IREB2: variants seen among roughly 807,000 people sequenced by gnomAD.
IREB2 encodes the protein iron-responsive element-binding protein 2.
IREB2 carries 39 observed loss-of-function variants against 118.8 expected under a neutral mutation model. The ratio of observed to expected loss-of-function variants is 0.33; its 90% CI spans 0.25 to 0.43. The LOEUF (loss-of-function observed/expected upper bound fraction) is 0.43, where lower values mean the gene tolerates loss of function less well. Ranked by LOEUF, IREB2 falls within the 20% of genes least tolerant of loss-of-function variation. IREB2 has a pLI of 1.00. For synonymous variants in IREB2, 372 were observed against 392.2 expected (o/e 0.95, Z 0.61); for missense variants, 900 against 1,147.3 (o/e 0.78, Z 3.11).
At chr15:78,452,841 A>G (rs2051048044) in intron 2 of IREB2, among the ~76,000 whole-genome samples, 1 of 152,210 alleles carries the variant, frequency 6.6e-6, no homozygotes, top group African/African-American at 2.4e-5. Context: ...TGTTGGCAGG[A>G]GGCACCCAAC....
intron 12 of IREB2, 132 bp downstream of exon 12, chr15:78,485,052 G>A (rs1227445746): frequency 2.6e-6 from 2 of 783,672 alleles, no homozygotes; most frequent in African/African-American, 3.5e-5. Context: ...TAGTATTTTA[G>A]TTAGGTCTTA....
In IREB2 at chr15:78,499,639, ATTTC is replaced by A. The variant is rs1170599918; in HGVS notation, c.*1500_*1503del. On this transcript the variant is annotated 3_prime_UTR_variant, in exon 22 of 22. Transcript: ENST00000258886. ...AGATGGACTAGAGTTCGACAAAATG[ATTTC>A]TTTATTTAAATTTTGTATAAGTATT... is the stretch of plus-strand genomic sequence containing the variant. 9.2e-5 allele frequency: 14 copies of A among 152,284 alleles called. No individual in the cohort carries two copies. Among genetic ancestry groups the A allele is most frequent in the African/African-American group, 3.4e-4 (14 of 41,544 alleles). The allele number at this position is 152,284 out of a possible 1,614,324, so 9.4% of individuals were successfully genotyped here. A position where few individuals can be genotyped will look rare whatever the true frequency, so the allele number is the denominator to read the frequency against.
intron 18 of IREB2, among the ~76,000 whole-genome samples, chr15:78,492,236 C>G (rs1007892211): frequency 3.3e-5 from 5 of 152,146 alleles, no homozygotes; most frequent in African/African-American, 4.8e-5. Context: ...GGTCACTAAT[C>G]CAGTAGCAAT....
intron 5 of IREB2, among the ~76,000 whole-genome samples, chr15:78,467,615 A>G (rs1464812338): frequency 6.6e-6 from 1 of 151,648 alleles, no homozygotes; most frequent in Non-Finnish European, 1.5e-5. Flanking sequence ...CGCTTGTACC[A>G]GGAGGCAGGG....
At chr15:78,468,633 G>A (rs2051325282) in intron 5 of IREB2, among the ~76,000 whole-genome samples, 1 of 151,560 alleles carries the variant, frequency 6.6e-6, no homozygotes, top group Admixed American at 6.6e-5. Context: ...TAAGAGTAAT[G>A]TCCATTCATT....
Position 78,470,618 on chromosome 15 carries a change from G to T in IREB2, c.699+17G>T. The T allele has an allele frequency of 6.9e-7, 1 of 1,453,602 alleles. No individual in the cohort carries two copies. Among genetic ancestry groups the T allele is most frequent in the South Asian group, 1.3e-5 (1 of 77,030 alleles). 90.0% of individuals were successfully genotyped at this position (1,453,602 alleles called of 1,614,324 possible). A position where few individuals can be genotyped will look rare whatever the true frequency, so the allele number is the denominator to read the frequency against. On this transcript the variant is annotated intron_variant, in intron 6 of 21. Transcript: ENST00000258886. ...TTTTTTAAGGTATAAATGATTCAGG[G>T]AAATTTTTGTATTGTAATATATAAA...
At position 78,449,230 on chromosome 15, in the gene IREB2, T is replaced by C. The variant is rs187644205; in HGVS notation, c.106+9349T>C. Among the ~76,000 whole-genome samples, 8 of 152,304 alleles carry C rather than the reference T, an allele frequency of 5.3e-5. No individual in the cohort carries two copies. In the East Asian group the frequency reaches 1.5e-3, roughly 29 times the overall value. ...GTAATAAAAAAAATTTTTTTAAGTA[T>C]TTGTTGAGTATGTATTTACCGTATC... On this transcript the variant is annotated intron_variant, in intron 2 of 21. Coordinates refer to ENST00000258886, the MANE Select transcript of IREB2 (RefSeq NM_004136.4).
chr15:78,490,923 G>A (rs992505386), intron 18 of IREB2, among the ~76,000 whole-genome samples, 162 bp downstream of exon 18: 1 of 152,024 alleles, frequency 6.6e-6, no homozygotes, highest in African/African-American at 2.4e-5. Context: ...TGGCGGGGTG[G>A]GGAGGCGGGG....
chr15:78,487,794 G>A lies in IREB2; in HGVS notation c.1771G>A (p.Ala591Thr), dbSNP rs746547492. 18 of 1,603,936 alleles carry A rather than the reference G, an allele frequency of 1.1e-5. No individual in the cohort carries two copies. In the Admixed American group the frequency reaches 2.2e-4, roughly 19 times the overall value. Residue 591 changes from alanine (A) to threonine (T), a missense_variant, in exon 14 of 22, where the codon GCA (alanine) becomes ACA (threonine). Coordinates refer to ENST00000258886, the MANE Select transcript of IREB2 (RefSeq NM_004136.4). ...GGGAAATACAGCACCCTTATCAGACGCAGTTTTAAATGCAGTAAAACAGGT... is the reference window on the plus strand; with the variant it reads ...GGGAAATACAGCACCCTTATCAGACACAGTTTTAAATGCAGTAAAACAGGT... ...CVGNTAPLSD[A>T]VLNAVKQGDL...
intron 4 of IREB2, 71 bp from the exon 5 acceptor site, chr15:78,466,200 C>T (rs181418306): frequency 2.3e-5 from 22 of 964,012 alleles, no homozygotes; most frequent in Admixed American, 1.2e-4. Flanking sequence ...TGCTAATGTG[C>T]GTTTTTTTTT....
chr15:78,437,950 T>C (rs560690740), upstream of IREB2, among the ~76,000 whole-genome samples: 5 of 152,346 alleles, frequency 3.3e-5, no homozygotes, highest in East Asian at 9.7e-4. Context: ...CTCGAATTCA[T>C]GACCCCAATA....
Position 78,447,179 on chromosome 15 carries a change from C to CT in IREB2, c.106+7313dup, listed in dbSNP as rs199780442. On this transcript the variant is annotated intron_variant, in intron 2 of 21. Coordinates refer to ENST00000258886, the MANE Select transcript of IREB2 (RefSeq NM_004136.4). The stretch of plus-strand genomic sequence containing the variant: ...TCCTTTCTTTTTCTTTTCTTTCTTT[C>CT]TTTTTTTTTTTTTTTGAGACAGGAT... Among the ~76,000 whole-genome samples, 1,184 of 137,126 alleles carry CT rather than the reference C, an allele frequency of 8.6e-3. 12 individuals are homozygous for CT. The highest frequency in any genetic ancestry group is 0.044 in the East Asian group (208 of 4,722). 90.0% of individuals were successfully genotyped at this position (137,126 alleles called of 152,430 possible).
intron 2 of IREB2, among the ~76,000 whole-genome samples, chr15:78,462,382 T>G (rs2051212178): frequency 6.6e-6 from 1 of 152,252 alleles, no homozygotes; most frequent in Non-Finnish European, 1.5e-5. Context: ...TTGAAATCAC[T>G]TTCTCAATTG....
At position 78,485,685 on chromosome 15, in the gene IREB2, ATTGT is replaced by A. The variant is rs756148102; in HGVS notation, c.1574-14_1574-11del. On this transcript the variant is annotated splice_polypyrimidine_tract_variant and intron_variant, in intron 12 of 21. Transcript: ENST00000258886. ...GAAAGAAACATTGCCATAATAAATCATTGTTTGTTGGCTGTGCAGGTCTTTTGGC... is the reference window on the plus strand; with the variant it reads ...GAAAGAAACATTGCCATAATAAATCATTGTTGGCTGTGCAGGTCTTTTGGC... The A allele has an allele frequency of 1.3e-5, 21 of 1,608,890 alleles. No homozygotes were observed. Among genetic ancestry groups the A allele is most frequent in the Non-Finnish European group, 1.5e-5 (18 of 1,177,564 alleles).
At chr15:78,485,613 TTAAA>T in intron 12 of IREB2, 88 bp from the exon 13 acceptor site, 2 of 1,280,028 alleles carry the variant, frequency 1.6e-6, no homozygotes. Context: ...CTTTAATCTG[TTAAA>T]TAAATTACTT....
chr15:78,439,407 C>A lies in IREB2; in HGVS notation c.20-388C>A, dbSNP rs555342596. Among the ~76,000 whole-genome samples the A allele has an allele frequency of 2.0e-5, 3 of 152,078 alleles. No homozygotes were observed. The South Asian group carries it at 6.2e-4, about 32-fold the overall frequency. On this transcript the variant is annotated intron_variant, in intron 1 of 21. Transcript: ENST00000258886. Reference sequence around the variant, plus strand: ...TCTGCAGTTTTCAAGACATGTCTTTCCAAAACGTCCCCGTGGATTATTTAA... The same window carrying A: ...TCTGCAGTTTTCAAGACATGTCTTTACAAAACGTCCCCGTGGATTATTTAA...
chr15:78,454,600 C>T (rs918646544), intron 2 of IREB2, among the ~76,000 whole-genome samples: 1 of 152,148 alleles, frequency 6.6e-6, no homozygotes, highest in Non-Finnish European at 1.5e-5. Context: ...GATTGTACAA[C>T]TTGGTAAACT....
chr15:78,453,085 C>T (rs1420636199), intron 2 of IREB2, among the ~76,000 whole-genome samples: 1 of 152,148 alleles, frequency 6.6e-6, no homozygotes, highest in Admixed American at 6.5e-5. Flanking sequence ...CAGAGCAAGA[C>T]GCTATCGTGT....
intron 10 of IREB2, 123 bp downstream of exon 10, chr15:78,478,520 T>C: frequency 1.7e-6 from 1 of 592,806 alleles, no homozygotes; most frequent in Non-Finnish European, 3.0e-6. Flanking sequence ...CTGGGCAATA[T>C]GGTAAAACCC....
Sources: allele counts gnomAD v4.1 joint callset (sites outside exome capture counted in the v4.1 genomes callset), GRCh38; gene constraint gnomAD v4.1.1; transcripts MANE v1.5; gene names NCBI Gene and HGNC (gene_info 2026-07-23, HGNC 2026-07-21).